POU6F2: variants seen among roughly 807,000 people sequenced by gnomAD.
POU6F2 encodes the protein POU domain, class 6, transcription factor 2.
A neutral mutation model predicts 71.3 loss-of-function variants in POU6F2; 31 were observed. That is an observed-to-expected ratio of 0.43 (90% CI 0.33 to 0.59). The LOEUF is 0.59. POU6F2 is among the 20% of genes least tolerant of loss of function. The pLI is 0.04. For synonymous variants in POU6F2, 347 were observed against 355.7 expected (o/e 0.98, Z 0.27); for missense variants, 783 against 856.8 (o/e 0.91, Z 1.07).
intron 2 of POU6F2, among the ~76,000 whole-genome samples, chr7:39,200,617 G>A (rs1371164657): frequency 6.6e-6 from 1 of 152,134 alleles, no homozygotes; most frequent in Non-Finnish European, 1.5e-5. Context: ...GCAAGAGAAT[G>A]TAAATTCCAC....
At chr7:39,171,224 T>C (rs1023867977) in intron 2 of POU6F2, among the ~76,000 whole-genome samples, 1 of 152,014 alleles carries the variant, frequency 6.6e-6, no homozygotes, top group African/African-American at 2.4e-5. Flanking sequence ...TGGTGTATGA[T>C]GTTCCCGTCC....
chr7:39,067,354 G>A (rs1790778263), intron 1 of POU6F2, among the ~76,000 whole-genome samples: 2 of 151,726 alleles, frequency 1.3e-5, no homozygotes, highest in African/African-American at 4.8e-5. Context: ...GTATATGCAT[G>A]TCTTTTTGTG....
chr7:39,388,174 T>C (rs1286939299), intron 5 of POU6F2, among the ~76,000 whole-genome samples: 2 of 152,192 alleles, frequency 1.3e-5, no homozygotes, highest in Admixed American at 1.3e-4. Flanking sequence ...CCTGCGACAG[T>C]GCTCACATGG....
chr7:39,329,101 A>T (rs894880511), intron 4 of POU6F2: 2 of 154,812 alleles, frequency 1.3e-5, no homozygotes, highest in Non-Finnish European at 2.9e-5. Context: ...TGCTCATATC[A>T]CAGTGAGACT....
chr7:39,169,591 GTAGACACA>G (rs1161552871), intron 2 of POU6F2, among the ~76,000 whole-genome samples: 1 of 152,068 alleles, frequency 6.6e-6, no homozygotes, highest in Non-Finnish European at 1.5e-5. Context: ...TGGGCCTAAC[GTAGACACA>G]TGATCAGACT....
At chr7:39,225,227 G>T (rs887888158) in intron 4 of POU6F2, among the ~76,000 whole-genome samples, 3 of 151,940 alleles carry the variant, frequency 2.0e-5, no homozygotes, top group African/African-American at 7.3e-5. Context: ...AGGCTGGAGT[G>T]CAGTGGTGCC....
chr7:39,072,995 T>G (rs916612542), intron 1 of POU6F2, among the ~76,000 whole-genome samples: 2 of 152,182 alleles, frequency 1.3e-5, no homozygotes, highest in Non-Finnish European at 2.9e-5. Flanking sequence ...CCGAATACAA[T>G]TACTCTCTTC....
At chr7:39,445,687 G>T (rs1002730172) in intron 7 of POU6F2, among the ~76,000 whole-genome samples, 1 of 152,168 alleles carries the variant, frequency 6.6e-6, no homozygotes, top group African/African-American at 2.4e-5. Context: ...ATGTTTGAAG[G>T]TAGCTCATCC....
chr7:39,152,341 G>A (rs967847750), intron 2 of POU6F2, among the ~76,000 whole-genome samples: 4 of 152,052 alleles, frequency 2.6e-5, no homozygotes, highest in African/African-American at 9.7e-5. Flanking sequence ...TTATTTTACT[G>A]GGCTGGAAAA....
In POU6F2 at chr7:39,339,720, C is replaced by G; in HGVS notation, c.677C>G (p.Pro226Arg). The G allele has an allele frequency of 6.2e-7, 1 of 1,605,530 alleles. No homozygotes were observed. Among genetic ancestry groups the G allele is most frequent in the Non-Finnish European group, 8.5e-7 (1 of 1,177,582 alleles). Residue 226 changes from proline to arginine, a missense_variant, in exon 5 of 10, where the codon CCT (proline) becomes CGT (arginine). Physicochemically the swap from Pro to Arg is moderately radical, Grantham distance 103. Around this residue, in one of 2 missense-constraint regions of POU6F2, gnomAD observed 572 missense variants for 572.9 expected, o/e 1.00. Transcript: ENST00000518318. ...CAGCAGCAGCAGCAGCAGCAGCAGC[C>G]TCCCCCGTCAACCAACCAGCACCCG... ...QQQQQQQQQQ[P>R]PPSTNQHPQP...
chr7:39,460,820 G>A lies in POU6F2; in HGVS notation c.1658+105G>A. ...GGGTGGGCAAAGCTGGAGGGGCAGAGAGTGGGAACAAAGTTTGGGGGCAGC... is the reference window on the plus strand; with the variant it reads ...GGGTGGGCAAAGCTGGAGGGGCAGAAAGTGGGAACAAAGTTTGGGGGCAGC... On this transcript the variant is annotated intron_variant, in intron 9 of 9. Transcript: ENST00000518318. This position sits in a 1 kb window ranked among gnomAD's most constrained non-coding sequence, Gnocchi z 4.4. 7.6e-7 allele frequency: 1 copy of A among 1,315,574 alleles called. No homozygotes were observed. The highest frequency in any genetic ancestry group is 1.0e-6 in the Non-Finnish European group (1 of 991,800). The allele number at this position is 1,315,574 out of a possible 1,614,324, so 81.5% of individuals were successfully genotyped here.
chr7:39,381,845 G>A (rs1471561383), intron 5 of POU6F2, among the ~76,000 whole-genome samples: 2 of 152,096 alleles, frequency 1.3e-5, no homozygotes, highest in Non-Finnish European at 2.9e-5. Context: ...GTTTCTGTCT[G>A]TAGTAAAGTT....
intron 4 of POU6F2, among the ~76,000 whole-genome samples, chr7:39,248,318 G>T (rs1337849082): frequency 6.6e-6 from 1 of 152,104 alleles, no homozygotes; most frequent in Non-Finnish European, 1.5e-5. Context: ...ACAAAACAAA[G>T]CCAAACAAAA....
chr7:39,268,414 G>A (rs1459861795), intron 4 of POU6F2, among the ~76,000 whole-genome samples: 2 of 152,118 alleles, frequency 1.3e-5, no homozygotes, highest in African/African-American at 4.8e-5. Flanking sequence ...CAGAAGGATG[G>A]CAGTACATAA....
chr7:39,028,293 G>C (rs1353653977), intron 1 of POU6F2, among the ~76,000 whole-genome samples: 1 of 151,932 alleles, frequency 6.6e-6, no homozygotes, highest in Non-Finnish European at 1.5e-5. Flanking sequence ...GGTGTCTGTT[G>C]CTGGGCGGAC....
chr7:39,454,619 T>A (rs1260317745), intron 8 of POU6F2, among the ~76,000 whole-genome samples: 1 of 123,844 alleles, frequency 8.1e-6, no homozygotes. Flanking sequence ...AAGAGTCTTA[T>A]GAGCTCTGTG....
chr7:39,267,504 C>G (rs1014447362), intron 4 of POU6F2, among the ~76,000 whole-genome samples: 1 of 152,208 alleles, frequency 6.6e-6, no homozygotes, highest in Non-Finnish European at 1.5e-5. Context: ...CAATTTGTGA[C>G]AAACCTGACA....
chr7:39,129,624 T>TATAGATAGATAGATAG (rs3999864), intron 2 of POU6F2, among the ~76,000 whole-genome samples: 3 of 149,232 alleles, frequency 2.0e-5, no homozygotes, highest in Admixed American at 6.7e-5. Flanking sequence ...ACAATAGATA[T>TATAGATAGATAGATAG]ATAGATAGAT....
intron 4 of POU6F2, among the ~76,000 whole-genome samples, chr7:39,312,782 T>C (rs1490619908): frequency 6.6e-6 from 1 of 152,204 alleles, no homozygotes; most frequent in Admixed American, 6.5e-5. Context: ...CTAAGATTGC[T>C]GAGTGACTAA....
Sources: allele counts gnomAD v4.1 joint callset (sites outside exome capture counted in the v4.1 genomes callset), GRCh38; gene constraint gnomAD v4.1.1; regional missense constraint gnomAD v4.1.1; non-coding constraint Gnocchi (gnomAD v3.1); transcripts MANE v1.5; gene names NCBI Gene and HGNC (gene_info 2026-07-23, HGNC 2026-07-21).